Variants in CLDN18 observed in about 807,000 individuals in gnomAD.
CLDN18 encodes the protein claudin-18.
In CLDN18, 20 loss-of-function variants were observed where a neutral mutation model predicts 25.0. The ratio of observed to expected loss-of-function variants is 0.80; its 90% CI spans 0.56 to 1.16. The LOEUF (loss-of-function observed/expected upper bound fraction) is 1.16. CLDN18 is among the 50% of genes most tolerant of loss of function. The pLI, the probability that CLDN18 is intolerant of heterozygous loss-of-function variation, is 0.00. For synonymous variants in CLDN18, 125 were observed against 135.6 expected (o/e 0.92, Z 0.54); for missense variants, 297 against 345.4 (o/e 0.86, Z 1.11).
chr3:138,023,393 G>T (rs1220661288), intron 1 of CLDN18, among the ~76,000 whole-genome samples: 1 of 152,156 alleles, frequency 6.6e-6, no homozygotes, highest in African/African-American at 2.4e-5. Flanking sequence ...GCCCCCCCAA[G>T]TTCCAACCAT....
chr3:138,021,963 A>AAAT (rs1366180655), intron 1 of CLDN18, among the ~76,000 whole-genome samples: 19 of 152,184 alleles, frequency 1.2e-4, no homozygotes, highest in Non-Finnish European at 2.8e-4. Flanking sequence ...AGGGATTTAA[A>AAAT]AATAATAATA....
chr3:138,018,222 A>C (rs1942231075), intron 1 of CLDN18, among the ~76,000 whole-genome samples: 1 of 152,202 alleles, frequency 6.6e-6, no homozygotes. Context: ...TCAAGGTGTC[A>C]GCAGATTCCA....
chr3:138,029,860 T>C lies in CLDN18; in HGVS notation c.567T>C (p.Gly189=). ...WVAGGLTLIG[G]VMMCIACRGL... is the part of the protein sequence containing the mutation. ...CTGGAGGCCTCACACTAATTGGGGGTGTGATGATGTGCATCGCCTGCCGGG... is the reference window on the plus strand; with the variant it reads ...CTGGAGGCCTCACACTAATTGGGGGCGTGATGATGTGCATCGCCTGCCGGG... Residue 189 remains glycine (G), a synonymous_variant, in exon 4 of 5, where the codon GGT becomes GGC. Transcript: ENST00000183605. 2.5e-6 allele frequency: 4 copies of C among 1,598,750 alleles called. No homozygotes were observed. In the South Asian group the frequency reaches 4.6e-5, roughly 18 times the overall value.
At chr3:138,027,104 A>G (rs1373447806) in intron 3 of CLDN18, among the ~76,000 whole-genome samples, 1 of 152,226 alleles carries the variant, frequency 6.6e-6, no homozygotes, top group Non-Finnish European at 1.5e-5. Context: ...CCACACACAC[A>G]TACACATACT....
chr3:138,011,455 G>C (rs1942136242), intron 1 of CLDN18, among the ~76,000 whole-genome samples: 1 of 152,152 alleles, frequency 6.6e-6, no homozygotes, highest in African/African-American at 2.4e-5. Flanking sequence ...AGAAGAATTT[G>C]ATTATTTATT....
At chr3:138,023,603 A>C (rs1942293385) in intron 1 of CLDN18, 55 bp from the exon 2 acceptor site, 1 of 1,565,452 alleles carries the variant, frequency 6.4e-7, no homozygotes, top group South Asian at 1.2e-5. Context: ...CAGCCTAATC[A>C]AGTGTGCTGA....
chr3:138,021,613 A>T lies in CLDN18; in HGVS notation c.221-2045A>T, dbSNP rs530772803. Among the ~76,000 whole-genome samples, 5 of 152,332 alleles carry T rather than the reference A, an allele frequency of 3.3e-5. No homozygotes were observed. The East Asian group carries it at 7.7e-4, about 23-fold the overall frequency. On this transcript the variant is annotated intron_variant, in intron 1 of 4. Transcript: ENST00000183605. ...TGTTTATGGTTTTCTATACATCCTGAAATTTTTATATTGAACAGTTATTGC... is the reference window on the plus strand; with the variant it reads ...TGTTTATGGTTTTCTATACATCCTGTAATTTTTATATTGAACAGTTATTGC...
intron 1 of CLDN18, among the ~76,000 whole-genome samples, chr3:138,011,968 TTCCTGCTAAGGTCAACCTC>T (rs1314567860): frequency 2.1e-4 from 32 of 152,194 alleles, no homozygotes; most frequent in Admixed American, 5.9e-4. Context: ...CTTCCCTGCT[TTCCTGCTAAGGTCAACCTC>T]TCCTGCTAAG....
chr3:138,010,259 C>T lies in CLDN18; in HGVS notation c.34C>T (p.Leu12Phe), dbSNP rs765498189. 1.2e-6 allele frequency: 2 copies of T among 1,613,948 alleles called. No individual in the cohort carries two copies. Among genetic ancestry groups the T allele is most frequent in the Admixed American group, 3.3e-5 (2 of 60,014 alleles). ...STTTCQVVAF[L>F]LSILGLAGCI... ...CACCACATGCCAAGTGGTGGCGTTC[C>T]TCCTGTCCATCCTGGGGCTGGCCGG... The change falls in exon 1 of 5, where the codon CTC becomes TTC. Residue 12 changes from leucine to phenylalanine, a missense_variant. By Grantham distance (22) the Leu-to-Phe change is conservative (BLOSUM62 0). Transcript: ENST00000183605.
intron 1 of CLDN18, among the ~76,000 whole-genome samples, chr3:138,000,239 C>G (rs1333685252): frequency 1.3e-5 from 2 of 152,034 alleles, no homozygotes; most frequent in Non-Finnish European, 2.9e-5. Flanking sequence ...GACAATATGC[C>G]AAGTGAGGGA....
upstream of CLDN18, chr3:138,009,950 T>G: frequency 2.4e-6 from 1 of 413,324 alleles, no homozygotes; most frequent in African/African-American, 2.0e-5. Context: ...GAGCAGGGAG[T>G]CCTTCTGCTC....
At chr3:138,012,372 T>A (rs1036286310) in intron 1 of CLDN18, among the ~76,000 whole-genome samples, 4 of 152,106 alleles carry the variant, frequency 2.6e-5, no homozygotes, top group Non-Finnish European at 5.9e-5. Context: ...CCAAACAACT[T>A]CCACGGTTCC....
chr3:138,010,312 G>T lies in CLDN18; in HGVS notation c.87G>T (p.Met29Ile). Residue 29 changes from methionine to isoleucine, a missense_variant, in exon 1 of 5, where the codon ATG becomes ATT. By Grantham distance (10) the Met-to-Ile change is conservative (BLOSUM62 1). Coordinates refer to ENST00000183605, the MANE Select transcript of CLDN18 (RefSeq NM_016369.4). ...AGCIAATGMD[M>I]WSTQDLYDNP... ...GCATCGCGGCCACCGGGATGGACAT[G>T]TGGAGCACCCAGGACCTGTACGACA... The T allele has an allele frequency of 6.2e-7, 1 of 1,614,228 alleles. No individual in the cohort carries two copies. Among genetic ancestry groups the T allele is most frequent in the South Asian group, 1.1e-5 (1 of 91,084 alleles).
rs144801929 is a variant in CLDN18, at chr3:138,001,141, C to T, written c.220+2053C>T. Among the ~76,000 whole-genome samples the T allele has an allele frequency of 3.7e-3, 561 of 152,362 alleles. 1 individual carries two copies. The highest frequency in any genetic ancestry group is 0.013 in the South Asian group (61 of 4,832). On this transcript the variant is annotated intron_variant, in intron 1 of 4. Transcript: ENST00000343735. Reference sequence around the variant, plus strand: ...TGATTCTGAGTAACTTGCCCAAGGACACTTGCAGATGTAGCCAGAGCTAAA... The same window carrying T: ...TGATTCTGAGTAACTTGCCCAAGGATACTTGCAGATGTAGCCAGAGCTAAA...
At chr3:138,010,502 G>A (rs1288005878) in intron 1 of CLDN18, 57 bp downstream of exon 1, 3 of 1,600,138 alleles carry the variant, frequency 1.9e-6, no homozygotes, top group Non-Finnish European at 2.6e-6. Flanking sequence ...AGGGAAGGGG[G>A]CGTTTGCGTT....
At chr3:138,020,582 A>T (rs1942258727) in intron 1 of CLDN18, among the ~76,000 whole-genome samples, 1 of 152,202 alleles carries the variant, frequency 6.6e-6, no homozygotes, top group African/African-American at 2.4e-5. Context: ...CCTTAGAGTG[A>T]ATATGCTGGC....
intron 1 of CLDN18, chr3:138,004,775 A>T (rs1270490541): frequency 6.6e-6 from 1 of 150,998 alleles, no homozygotes; most frequent in Non-Finnish European, 1.5e-5. Context: ...TTAAATATTT[A>T]AAAATATAAG....
chr3:138,011,578 T>C (rs1295329918), intron 1 of CLDN18, among the ~76,000 whole-genome samples: 1 of 152,074 alleles, frequency 6.6e-6, no homozygotes, highest in African/African-American at 2.4e-5. Flanking sequence ...AGAACCAGAC[T>C]GAGGAGGGAT....
At chr3:138,007,726 T>G (rs1213460538), upstream of CLDN18, among the ~76,000 whole-genome samples, 1 of 152,244 alleles carries the variant, frequency 6.6e-6, no homozygotes, top group Non-Finnish European at 1.5e-5. Context: ...GCCTGCCTGT[T>G]GGTTGAAATA....
Sources: gnomAD v4.1 joint callset for allele counts (sites outside exome capture counted in the v4.1 genomes callset) on GRCh38, gnomAD v4.1.1 for gene constraint, MANE v1.5 for transcripts, NCBI Gene and HGNC (gene_info 2026-07-23, HGNC 2026-07-21) for gene names.